ACSM5: variants seen among roughly 807,000 people sequenced by gnomAD.
ACSM5 encodes acyl-coenzyme A synthetase ACSM5, mitochondrial.
Under a neutral mutation model 71.6 loss-of-function variants are expected in ACSM5, and 56 were observed. The ratio of observed to expected loss-of-function variants is 0.78; its 90% CI spans 0.63 to 0.98. The LOEUF (loss-of-function observed/expected upper bound fraction) is 0.98. Among genes scored for constraint, ACSM5 ranks in the 50% least tolerant of loss-of-function variants. The probability of loss-of-function intolerance (pLI) is 0.00; values close to 1 mark genes in which losing one functional copy is unlikely to be tolerated. For synonymous variants in ACSM5, 285 were observed against 281.5 expected (o/e 1.01, Z -0.12); for missense variants, 723 against 726.0 (o/e 1.00, Z 0.05).
In ACSM5 at chr16:20,424,176, G is replaced by T. The variant is rs1197412023; in HGVS notation, c.921+107G>T. On this transcript the variant is annotated intron_variant, in intron 6 of 13. Transcript: ENST00000331849. ...AAACACATAAATCAGTGAATTTAAGGCTTCTTTGGTGTGGCTCCCTGGCCT... is the reference window on the plus strand; with the variant it reads ...AAACACATAAATCAGTGAATTTAAGTCTTCTTTGGTGTGGCTCCCTGGCCT... The T allele has an allele frequency of 2.8e-6, 4 of 1,416,780 alleles. No homozygotes were observed. The East Asian group carries it at 9.8e-5, about 35-fold the overall frequency. The allele number at this position is 1,416,780 out of a possible 1,614,324, so 87.8% of individuals were successfully genotyped here. A position where few individuals can be genotyped will look rare whatever the true frequency, so the allele number is the denominator to read the frequency against.
intron 6 of ACSM5, among the ~76,000 whole-genome samples, chr16:20,425,048 C>T (rs1336271267): frequency 6.6e-6 from 1 of 152,174 alleles, no homozygotes; most frequent in Non-Finnish European, 1.5e-5. Context: ...TTTTTATTGA[C>T]TATAGTCACC....
intron 10 of ACSM5, among the ~76,000 whole-genome samples, chr16:20,432,436 C>T (rs1967116795): frequency 6.6e-6 from 1 of 152,130 alleles, no homozygotes; most frequent in South Asian, 2.1e-4. Flanking sequence ...AGTGGTTTTT[C>T]TGTCACTACA....
chr16:20,422,663 G>T (rs1055191339), intron 5 of ACSM5, among the ~76,000 whole-genome samples: 3 of 152,104 alleles, frequency 2.0e-5, no homozygotes, highest in African/African-American at 4.8e-5. Flanking sequence ...TTTTTTAAAG[G>T]CTCACTCAGG....
At chr16:20,413,540 T>G (rs1329302384) in intron 2 of ACSM5, among the ~76,000 whole-genome samples, 1 of 152,210 alleles carries the variant, frequency 6.6e-6, no homozygotes, top group Non-Finnish European at 1.5e-5. Context: ...GCTTCATTGT[T>G]GCCTAAGGTG....
chr16:20,435,667 A>G (rs1345767795), intron 10 of ACSM5, among the ~76,000 whole-genome samples: 1 of 152,198 alleles, frequency 6.6e-6, no homozygotes, highest in Non-Finnish European at 1.5e-5. Context: ...GTCAGTATAT[A>G]ATAATTTTGC....
rs755142074 is a variant in ACSM5 at position 20,418,045 on chromosome 16, G to A, written c.205-14G>A. 2.5e-6 allele frequency: 4 copies of A among 1,602,910 alleles called. No individual in the cohort carries two copies. The highest frequency in any genetic ancestry group is 2.2e-5 in the South Asian group (2 of 89,452). On this transcript the variant is annotated splice_polypyrimidine_tract_variant and intron_variant, in intron 2 of 13. Transcript: ENST00000331849. ...AAATTGCTTCTTTTTTTTTCTGCCT[G>A]TACCACCATCTAGGCTGGACACCGC... is the stretch of plus-strand genomic sequence containing the variant.
chr16:20,429,824 C>T, intron 8 of ACSM5, 23 bp downstream of exon 8: 2 of 1,609,998 alleles, frequency 1.2e-6, no homozygotes, highest in Non-Finnish European at 1.7e-6. Flanking sequence ...GGGGCCAGGT[C>T]CCTACCCCCC....
At chr16:20,437,908 C>T (rs747906613) in intron 12 of ACSM5, among the ~76,000 whole-genome samples, 5 of 150,408 alleles carry the variant, frequency 3.3e-5, no homozygotes, top group Middle Eastern at 6.8e-3. Flanking sequence ...CTGCAACCTC[C>T]GCCTCCCAGG....
chr16:20,438,601 G>T (rs1313001497), intron 12 of ACSM5, among the ~76,000 whole-genome samples: 1 of 151,724 alleles, frequency 6.6e-6, no homozygotes, highest in Non-Finnish European at 1.5e-5. Flanking sequence ...GTGACAAATG[G>T]CTGTGTGCTC....
chr16:20,418,867 A>G (rs1966864848), intron 3 of ACSM5, among the ~76,000 whole-genome samples: 1 of 152,202 alleles, frequency 6.6e-6, no homozygotes, highest in South Asian at 2.1e-4. Context: ...AAGGAAGATA[A>G]AGATGAAATA....
intron 7 of ACSM5, among the ~76,000 whole-genome samples, chr16:20,429,105 G>C (rs1213862402): frequency 6.6e-6 from 1 of 152,086 alleles, no homozygotes; most frequent in Non-Finnish European, 1.5e-5. Flanking sequence ...CTGCCTCCCA[G>C]GTTCCAGCTT....
intron 4 of ACSM5, among the ~76,000 whole-genome samples, chr16:20,420,430 GTCTCTAC>G (rs1966873289): frequency 6.6e-6 from 1 of 152,090 alleles, no homozygotes; most frequent in South Asian, 2.1e-4. Flanking sequence ...GAGAAACCCC[GTCTCTAC>G]TAAAAATACA....
intron 1 of ACSM5, among the ~76,000 whole-genome samples, chr16:20,409,984 C>G (rs893077765): frequency 1.3e-5 from 2 of 151,634 alleles, no homozygotes; most frequent in Admixed American, 6.6e-5. Flanking sequence ...GCCTGGTGGC[C>G]ACTGCAGAGG....
At chr16:20,438,996 C>T (rs1428992190) in intron 12 of ACSM5, among the ~76,000 whole-genome samples, 1 of 142,200 alleles carries the variant, frequency 7.0e-6, no homozygotes, top group Non-Finnish European at 1.5e-5. Flanking sequence ...ACAAATGTTT[C>T]GTAGTTACAG....
chr16:20,437,888 T>A (rs894098710), intron 12 of ACSM5, among the ~76,000 whole-genome samples: 3 of 151,648 alleles, frequency 2.0e-5, no homozygotes, highest in African/African-American at 7.3e-5. Context: ...AGTGGCATGA[T>A]CTTGGCTCAC....
chr16:20,419,554 T>C (rs1399841089), intron 4 of ACSM5, 119 bp downstream of exon 4: 10 of 988,234 alleles, frequency 1.0e-5, no homozygotes, highest in African/African-American at 3.2e-5. Context: ...AGCACTCCCA[T>C]TGGCAGCCAG....
intron 10 of ACSM5, among the ~76,000 whole-genome samples, chr16:20,436,556 A>G (rs186656102): frequency 7.1e-4 from 108 of 152,136 alleles, no homozygotes; most frequent in African/African-American, 2.5e-3. Flanking sequence ...TCTTTAGTAG[A>G]GACAGGTTTT....
At chr16:20,415,910 G>T (rs1364170049) in intron 2 of ACSM5, among the ~76,000 whole-genome samples, 1 of 152,062 alleles carries the variant, frequency 6.6e-6, no homozygotes, top group African/African-American at 2.4e-5. Flanking sequence ...TATTTTAAGA[G>T]CAGATAACTT....
At chr16:20,433,088 C>A (rs1358179975) in intron 10 of ACSM5, among the ~76,000 whole-genome samples, 2 of 152,082 alleles carry the variant, frequency 1.3e-5, no homozygotes, top group Non-Finnish European at 2.9e-5. Context: ...GAATTTCTGG[C>A]CTCAAGTGAT....
Sources: gnomAD v4.1 joint callset for allele counts (sites outside exome capture counted in the v4.1 genomes callset) on GRCh38, gnomAD v4.1.1 for gene constraint, MANE v1.5 for transcripts, NCBI Gene and HGNC (gene_info 2026-07-23, HGNC 2026-07-21) for gene names.